ZFTA: variants seen among roughly 807,000 people sequenced by gnomAD.
ZFTA encodes the protein zinc finger translocation-associated protein.
Under a neutral mutation model 41.8 loss-of-function variants are expected in ZFTA, and 35 were observed. That is an observed-to-expected ratio of 0.84 (90% CI 0.64 to 1.11). The LOEUF is 1.11. Ranked by LOEUF, ZFTA falls within the 50% of genes most tolerant of loss-of-function variation. ZFTA has a pLI of 0.00. For synonymous variants in ZFTA, 514 were observed against 436.4 expected (o/e 1.18, Z -2.22); for missense variants, 964 against 989.8 (o/e 0.97, Z 0.35).
In ZFTA at chr11:63,765,877, CTCCTCA is replaced by C. The variant is rs753586337; in HGVS notation, c.561_566del (p.Glu199_Glu200del). ...CCTCCTCTTCTTCCTCCTCCTCCTCCTCCTCAGCCCCCTGGACCCCCAGGCCCTCGG... is the reference window on the plus strand; with the variant it reads ...CCTCCTCTTCTTCCTCCTCCTCCTCCGCCCCCTGGACCCCCAGGCCCTCGG... On this transcript the variant is annotated inframe_deletion, in exon 2 of 5. Coordinates refer to ENST00000433688, the MANE Select transcript of ZFTA (RefSeq NM_001144936.2). The surrounding 1 kb of genome is among the most constrained non-coding windows in gnomAD (Gnocchi z 4.0). 215 of 1,530,452 alleles carry C rather than the reference CTCCTCA, an allele frequency of 1.4e-4. No individual in the cohort carries two copies. Among genetic ancestry groups the C allele is most frequent in the Middle Eastern group, 6.8e-4 (4 of 5,856 alleles). The allele number at this position is 1,530,452 out of a possible 1,614,324, so 94.8% of individuals were successfully genotyped here.
Position 63,764,878 on chromosome 11 carries a change from C to A in ZFTA, c.1014G>T (p.Gln338His). ...GQPEALSELT[Q>H]SPPGDDLAPQ... is the part of the protein sequence containing the mutation. ...GGATGGGCCTCGCACCTGGTGGGGA[C>A]TGGGTGAGCTCAGACAGCGCCTCGG... The change falls in exon 3 of 5, where the codon CAG becomes CAT. Residue 338 changes from glutamine to histidine, a missense_variant. Physicochemically the swap from Gln to His is conservative, Grantham distance 24. This residue lies in a region of ZFTA where 584 missense variants were observed against 523.1 expected (regional missense o/e 1.12). Transcript: ENST00000433688. The A allele has an allele frequency of 6.7e-7, 1 of 1,503,562 alleles. No individual in the cohort carries two copies. The highest frequency in any genetic ancestry group is 1.3e-5 in the South Asian group (1 of 78,248). The allele number at this position is 1,503,562 out of a possible 1,614,324, so 93.1% of individuals were successfully genotyped here.
rs78446082 is a variant in ZFTA at position 63,765,295 on chromosome 11, C to T, written c.638-41G>A. The T allele has an allele frequency of 7.0e-7, 1 of 1,423,958 alleles. No homozygotes were observed. Among genetic ancestry groups the T allele is most frequent in the Non-Finnish European group, 9.1e-7 (1 of 1,096,624 alleles). The allele number at this position is 1,423,958 out of a possible 1,614,324, so 88.2% of individuals were successfully genotyped here. ...GGAAGGAACTGAGACGCTGGCCCCA[C>T]GGGAGCATACCCACTACAGCCAGGT... is the stretch of plus-strand genomic sequence containing the variant. On this transcript the variant is annotated intron_variant, in intron 2 of 4. Coordinates refer to ENST00000433688, the MANE Select transcript of ZFTA (RefSeq NM_001144936.2). This position sits in a 1 kb window ranked among gnomAD's most constrained non-coding sequence, Gnocchi z 4.0.
chr11:63,765,486 C>T lies in ZFTA; in HGVS notation c.638-232G>A, dbSNP rs530187386. Among the ~76,000 whole-genome samples, 2 of 152,248 alleles carry T rather than the reference C, an allele frequency of 1.3e-5. No homozygotes were observed. The highest frequency in any genetic ancestry group is 2.9e-5 in the Non-Finnish European group (2 of 68,016). On this transcript the variant is annotated intron_variant, in intron 2 of 4. Coordinates refer to ENST00000433688, the MANE Select transcript of ZFTA (RefSeq NM_001144936.2). This position sits in a 1 kb window ranked among gnomAD's most constrained non-coding sequence, Gnocchi z 4.0. ...CCCTGTCCCTGGCCTTCACCGTCAG[C>T]CACACCTCTCCAGCACCCTCCCCTT... is the stretch of plus-strand genomic sequence containing the variant.
At position 63,763,560 on chromosome 11, in the gene ZFTA, G is replaced by GT; in HGVS notation, c.1894dup (p.Thr632AsnfsTer3). On this transcript the variant is annotated frameshift_variant, in exon 5 of 5. Coordinates refer to ENST00000433688, the MANE Select transcript of ZFTA (RefSeq NM_001144936.2). LOFTEE classifies it low-confidence loss of function (END_TRUNC). ...CAGGATAGTCTGGCGCTCCTCAGGC[G>GT]TGAAGTCCATGGAGAAGGGGTGCAC... 1 of 1,547,942 alleles carries GT rather than the reference G, an allele frequency of 6.5e-7. No homozygotes were observed. Among genetic ancestry groups the GT allele is most frequent in the African/African-American group, 1.4e-5 (1 of 72,956 alleles).
At chr11:63,768,419 C>G (rs993742331) in intron 1 of ZFTA, 65 bp downstream of exon 1, 96 of 1,009,258 alleles carry the variant, frequency 9.5e-5, no homozygotes, top group Middle Eastern at 4.6e-4. Context: ...AGAGGGGCCC[C>G]GAGCCGCAGC....
Position 63,763,381 on chromosome 11 carries a change from G to C in ZFTA, c.*37C>G. The C allele has an allele frequency of 2.4e-6, 3 of 1,231,930 alleles. No homozygotes were observed. The highest frequency in any genetic ancestry group is 9.3e-5 in the Admixed American group (2 of 21,554). 76.3% of individuals were successfully genotyped at this position (1,231,930 alleles called of 1,614,324 possible). A position where few individuals can be genotyped will look rare whatever the true frequency, so the allele number is the denominator to read the frequency against. On this transcript the variant is annotated 3_prime_UTR_variant, in exon 5 of 5. Transcript: ENST00000433688. ...GCACAGGGCGGGGCGGGGCCGATCC[G>C]ACCCGACCCGACCTGACCCGGGGGC...
chr11:63,766,364 G>T, intron 1 of ZFTA, 60 bp from the exon 2 acceptor site: 1 of 1,409,036 alleles, frequency 7.1e-7, no homozygotes, highest in Non-Finnish European at 9.2e-7. Flanking sequence ...AAGAGGCGAG[G>T]GCTTTGATGG....
chr11:63,765,264 T>A lies in ZFTA; in HGVS notation c.638-10A>T. The A allele has an allele frequency of 6.9e-7, 1 of 1,442,776 alleles. No individual in the cohort carries two copies. Among genetic ancestry groups the A allele is most frequent in the Non-Finnish European group, 9.0e-7 (1 of 1,104,984 alleles). 89.4% of individuals were successfully genotyped at this position (1,442,776 alleles called of 1,614,324 possible). Reference sequence around the variant, plus strand: ...CCAGCTGGGGCTTTGCCTGAAAGGGTTGGAGGGAAGGAACTGAGACGCTGG... The same window carrying A: ...CCAGCTGGGGCTTTGCCTGAAAGGGATGGAGGGAAGGAACTGAGACGCTGG... On this transcript the variant is annotated splice_polypyrimidine_tract_variant and intron_variant, in intron 2 of 4. Coordinates refer to ENST00000433688, the MANE Select transcript of ZFTA (RefSeq NM_001144936.2). This position sits in a 1 kb window ranked among gnomAD's most constrained non-coding sequence, Gnocchi z 4.0.
chr11:63,766,352 G>T, intron 1 of ZFTA, 48 bp from the exon 2 acceptor site: 1 of 1,410,184 alleles, frequency 7.1e-7, no homozygotes, highest in African/African-American at 1.5e-5. Flanking sequence ...GATTTCCAGG[G>T]AAAGAGGCGA....
At position 63,762,227 on chromosome 11, in the gene ZFTA, T is replaced by A. The variant is rs995368463; in HGVS notation, c.*1191A>T. 1.3e-5 allele frequency: 2 copies of A among 152,264 alleles called. No individual in the cohort carries two copies. The highest frequency in any genetic ancestry group is 4.8e-5 in the African/African-American group (2 of 41,398). The allele number at this position is 152,264 out of a possible 1,614,324, so 9.4% of individuals were successfully genotyped here. On this transcript the variant is annotated 3_prime_UTR_variant, in exon 5 of 5. Coordinates refer to ENST00000433688, the MANE Select transcript of ZFTA (RefSeq NM_001144936.2). The stretch of plus-strand genomic sequence containing the variant: ...TCACAGCTTATCTCTGATACACGCA[T>A]AATAAATAAGACATTTGCACATAAG...
In ZFTA at chr11:63,768,654, G is replaced by A. The variant is rs1255796962; in HGVS notation, c.-32C>T. 1.0e-6 allele frequency: 1 copy of A among 961,334 alleles called. No individual in the cohort carries two copies. Among genetic ancestry groups the A allele is most frequent in the Non-Finnish European group, 1.2e-6 (1 of 812,578 alleles). The allele number at this position is 961,334 out of a possible 1,614,324, so 59.6% of individuals were successfully genotyped here. On this transcript the variant is annotated 5_prime_UTR_variant, in exon 1 of 5. Coordinates refer to ENST00000433688, the MANE Select transcript of ZFTA (RefSeq NM_001144936.2). ...CGCTGCGGAGCGGGGCCCCGGGGCG[G>A]CGGGGCGCGGGGCCGCGGGGCCGGC...
intron 1 of ZFTA, among the ~76,000 whole-genome samples, chr11:63,767,931 G>A (rs555274747): frequency 6.6e-6 from 1 of 152,182 alleles, no homozygotes; most frequent in South Asian, 2.1e-4. Flanking sequence ...GTGGGCCCCC[G>A]GGGCGCAAGC....
rs1471129897 is a variant in ZFTA, at chr11:63,764,370, G to C, written c.1253C>G (p.Pro418Arg). 2.3e-6 allele frequency: 3 copies of C among 1,310,112 alleles called. No homozygotes were observed. The highest frequency in any genetic ancestry group is 2.9e-6 in the Non-Finnish European group (3 of 1,033,554). 81.2% of individuals were successfully genotyped at this position (1,310,112 alleles called of 1,614,324 possible). A position where few individuals can be genotyped will look rare whatever the true frequency, so the allele number is the denominator to read the frequency against. Residue 418 changes from proline to arginine, a missense_variant, in exon 4 of 5, where the codon CCC (proline) becomes CGC (arginine). Physicochemically the swap from Pro to Arg is moderately radical, Grantham distance 103 (BLOSUM62 -2). This residue lies in a region of ZFTA where 584 missense variants were observed against 523.1 expected (regional missense o/e 1.12). Coordinates refer to ENST00000433688, the MANE Select transcript of ZFTA (RefSeq NM_001144936.2). ...GTACTCCAGCCGCCAGCGCTCCTGG[G>C]GGTGGCGGCGGTGGGCGCGGCCCCG... ...SPRGRAHRRH[P>R]QERWRLEYLM...
chr11:63,768,548 T>C lies in ZFTA; in HGVS notation c.75A>G (p.Ala25=). ...RGGPGPAVAS[A]RGRRLPPAGS... is the part of the protein sequence containing the mutation. Reference sequence around the variant, plus strand: ...CGGCGGGCGGCAGCCGTCGGCCCCGTGCCGAGGCCACTGCTGGCCCGGGGC... The same window carrying C: ...CGGCGGGCGGCAGCCGTCGGCCCCGCGCCGAGGCCACTGCTGGCCCGGGGC... Residue 25 remains alanine (A), a synonymous_variant, in exon 1 of 5, where the codon GCA becomes GCG. Transcript: ENST00000433688. 2.7e-6 allele frequency: 3 copies of C among 1,123,384 alleles called. No homozygotes were observed. Among genetic ancestry groups the C allele is most frequent in the Non-Finnish European group, 2.2e-6 (2 of 917,280 alleles). 69.6% of individuals were successfully genotyped at this position (1,123,384 alleles called of 1,614,324 possible).
In ZFTA at chr11:63,764,375, G is replaced by A; in HGVS notation, c.1248C>T (p.Arg416=). Residue 416 remains arginine, a synonymous_variant, in exon 4 of 5, where the codon CGC becomes CGT. Coordinates refer to ENST00000433688, the MANE Select transcript of ZFTA (RefSeq NM_001144936.2). ...CCAGCCGCCAGCGCTCCTGGGGGTGGCGGCGGTGGGCGCGGCCCCGCGGCG... is the reference window on the plus strand; with the variant it reads ...CCAGCCGCCAGCGCTCCTGGGGGTGACGGCGGTGGGCGCGGCCCCGCGGCG... ...GRSPRGRAHR[R]HPQERWRLEY... 2 of 1,307,786 alleles carry A rather than the reference G, an allele frequency of 1.5e-6. No individual in the cohort carries two copies. The highest frequency in any genetic ancestry group is 2.9e-4 in the Middle Eastern group (1 of 3,462). 81.0% of individuals were successfully genotyped at this position (1,307,786 alleles called of 1,614,324 possible).
At position 63,764,278 on chromosome 11, in the gene ZFTA, G is replaced by A; in HGVS notation, c.1345C>T (p.Leu449Phe). The A allele has an allele frequency of 6.8e-7, 1 of 1,460,270 alleles. No homozygotes were observed. The allele number at this position is 1,460,270 out of a possible 1,614,324, so 90.5% of individuals were successfully genotyped here. ...TGGCGCTCGATGGTGCTCATCTTGA[G>A]CGAGGCCAGCGCGCCCCCGCACACC... ...CGVCGGALAS[L>F]KMSTIERHIR... The change falls in exon 4 of 5, where the codon CTC becomes TTC. Residue 449 changes from leucine to phenylalanine, a missense_variant. By Grantham distance (22) the Leu-to-Phe change is conservative. Transcript: ENST00000433688.
rs1022831025 is a variant in ZFTA, at chr11:63,766,254, G to A, written c.190C>T (p.Pro64Ser). The A allele has an allele frequency of 6.6e-7, 1 of 1,520,536 alleles. No homozygotes were observed. Among genetic ancestry groups the A allele is most frequent in the Non-Finnish European group, 8.8e-7 (1 of 1,136,174 alleles). 94.2% of individuals were successfully genotyped at this position (1,520,536 alleles called of 1,614,324 possible). A position where few individuals can be genotyped will look rare whatever the true frequency, so the allele number is the denominator to read the frequency against. The change falls in exon 2 of 5, where the codon CCC becomes TCC. Residue 64 changes from proline (P) to serine (S), a missense_variant. Pro to Ser is a moderately conservative substitution (Grantham distance 74). Coordinates refer to ENST00000433688, the MANE Select transcript of ZFTA (RefSeq NM_001144936.2). ...CCCCTGGCCCTGGAGGAGGGCAGGG[G>A]GGCACTCCCCCAGGACCCCAAGGCA... is the stretch of plus-strand genomic sequence containing the variant. ...GGALGSWGSA[P>S]LPSSRARGPA...
chr11:63,763,417 G>A lies in ZFTA; in HGVS notation c.*1C>T, dbSNP rs1193072633. ...ACCTGACCCGGGGGCCCGCTAGGCC[G>A]CTACGCCCGACACACAGCGCCAGAC... On this transcript the variant is annotated 3_prime_UTR_variant, in exon 5 of 5. Coordinates refer to ENST00000433688, the MANE Select transcript of ZFTA (RefSeq NM_001144936.2). The A allele has an allele frequency of 1.5e-6, 2 of 1,311,538 alleles. No homozygotes were observed. Among genetic ancestry groups the A allele is most frequent in the Non-Finnish European group, 1.9e-6 (2 of 1,029,162 alleles). The allele number at this position is 1,311,538 out of a possible 1,614,324, so 81.2% of individuals were successfully genotyped here.
chr11:63,764,443 G>GCTCCTC lies in ZFTA; in HGVS notation c.1174_1179dup (p.Glu392_Glu393dup). ...GCCCTCTCGCCCTCGCCCTCCTCCA[G>GCTCCTC]CTCCTCCTCCTCCTCTGCGGGCCCG... On this transcript the variant is annotated inframe_insertion, in exon 4 of 5. Transcript: ENST00000433688. 7.9e-7 allele frequency: 1 copy of GCTCCTC among 1,265,466 alleles called. No homozygotes were observed. Among genetic ancestry groups the GCTCCTC allele is most frequent in the Non-Finnish European group, 1.0e-6 (1 of 1,004,484 alleles). The allele number at this position is 1,265,466 out of a possible 1,614,324, so 78.4% of individuals were successfully genotyped here. A position where few individuals can be genotyped will look rare whatever the true frequency, so the allele number is the denominator to read the frequency against.
Sources: gnomAD v4.1 joint callset for allele counts (sites outside exome capture counted in the v4.1 genomes callset) on GRCh38, gnomAD v4.1.1 for gene constraint, gnomAD v4.1.1 regional missense constraint, Gnocchi (gnomAD v3.1) non-coding constraint, MANE v1.5 for transcripts, NCBI Gene and HGNC (gene_info 2026-07-23, HGNC 2026-07-21) for gene names.